Variants in MYO16 observed in about 807,000 individuals in gnomAD.
MYO16 encodes the protein unconventional myosin-XVI.
In MYO16, 94 loss-of-function variants were observed where a neutral mutation model predicts 205.3. That is an observed-to-expected ratio of 0.46 (90% CI 0.39 to 0.54). MYO16 has a LOEUF of 0.54. Among genes scored for constraint, MYO16 ranks in the 20% least tolerant of loss-of-function variants. MYO16 has a pLI of 0.00. For synonymous variants in MYO16, 988 were observed against 954.0 expected, an observed-to-expected ratio of 1.04 and a Z score of -0.66; for missense variants, 2,315 against 2,387.5, an observed-to-expected ratio of 0.97 and a Z score of 0.63.
At chr13:109,008,856 G>A (rs1354537584) in intron 21 of MYO16, 41 bp from the exon 22 acceptor site, 4 of 1,583,174 alleles carry the variant, frequency 2.5e-6, no homozygotes, top group Non-Finnish European at 3.5e-6. Flanking sequence ...ATGCACTACT[G>A]TACTATCTGG....
At chr13:108,577,022 A>G in the MYO16 span, among the ~76,000 whole-genome samples, 3 of 152,114 alleles carry the variant, frequency 2.0e-5, no homozygotes, top group Non-Finnish European at 2.9e-5. Flanking sequence ...CAGCCTCCCA[A>G]GGTGTTGGGA....
At chr13:109,088,868 C>T (rs965487092) in intron 27 of MYO16, among the ~76,000 whole-genome samples, 3 of 152,216 alleles carry the variant, frequency 2.0e-5, no homozygotes, top group East Asian at 3.9e-4. Context: ...GGTGGTCCCG[C>T]AACCGCTCAG....
the MYO16 span, among the ~76,000 whole-genome samples, chr13:108,544,066 C>CAA: frequency 6.1e-3 from 298 of 49,140 alleles, no homozygotes; most frequent in African/African-American, 0.012. Context: ...ACTCCGTCTC[C>CAA]AAAAAAAAAA....
chr13:108,909,922 G>A (rs1594388192), intron 15 of MYO16, 81 bp from the exon 16 acceptor site: 1 of 1,392,970 alleles, frequency 7.2e-7, no homozygotes, highest in Non-Finnish European at 9.9e-7. Context: ...TGTATCTCTT[G>A]TAATTAATTA....
chr13:108,510,412 C>G, the MYO16 span, among the ~76,000 whole-genome samples: 1 of 125,610 alleles, frequency 8.0e-6, no homozygotes, highest in Non-Finnish European at 1.6e-5. Flanking sequence ...CCACCATGCC[C>G]GGTAGATAGT....
intron 1 of MYO16, among the ~76,000 whole-genome samples, chr13:108,599,808 T>G (rs1878698635): frequency 2.0e-5 from 3 of 152,202 alleles, no homozygotes; most frequent in Admixed American, 1.3e-4. Context: ...TTTCCCAGTT[T>G]TGGGTTGAGA....
chr13:108,671,238 T>G (rs1219512738), intron 2 of MYO16, among the ~76,000 whole-genome samples: 1 of 152,166 alleles, frequency 6.6e-6, no homozygotes, highest in Admixed American at 6.5e-5. Context: ...CTCAAAGTGA[T>G]AGGAACAACA....
intron 34 of MYO16, among the ~76,000 whole-genome samples, chr13:109,181,450 C>T (rs1172756962): frequency 6.6e-6 from 1 of 152,160 alleles, no homozygotes; most frequent in African/African-American, 2.4e-5. Flanking sequence ...TTTAGCTTTT[C>T]TACTAATGCA....
the MYO16 span, among the ~76,000 whole-genome samples, chr13:108,525,323 C>T: frequency 9.9e-5 from 15 of 152,172 alleles, no homozygotes; most frequent in African/African-American, 3.6e-4. Context: ...TTGAAGTGCA[C>T]GTCAGGTGTT....
intron 20 of MYO16, among the ~76,000 whole-genome samples, chr13:108,989,403 G>C (rs1283255221): frequency 6.6e-6 from 1 of 152,054 alleles, no homozygotes; most frequent in African/African-American, 2.4e-5. Context: ...GTTAAAAGAA[G>C]TAAACAAAGC....
chr13:108,555,659 A>T, the MYO16 span, among the ~76,000 whole-genome samples: 1 of 152,166 alleles, frequency 6.6e-6, no homozygotes, highest in East Asian at 1.9e-4. Flanking sequence ...CATTAACTGT[A>T]ATTACCATGT....
rs1887275944 is a variant in MYO16 at position 109,052,428 on chromosome 13, GCTT to G, written c.3006_3008del (p.Ser1003del). The G allele has an allele frequency of 6.2e-7, 1 of 1,611,710 alleles. No homozygotes were observed. On this transcript the variant is annotated inframe_deletion, in exon 25 of 35. Transcript: ENST00000457511. Reference sequence around the variant, plus strand: ...TGCCCTGCTCAGTAAGAAAATGACAGCTTCTTCAATTATTGGAGAAAACAAGAA... The same window carrying G: ...TGCCCTGCTCAGTAAGAAAATGACAGCTTCAATTATTGGAGAAAACAAGAA...
At chr13:108,640,366 G>C (rs1029262650) in intron 1 of MYO16, among the ~76,000 whole-genome samples, 4 of 152,154 alleles carry the variant, frequency 2.6e-5, no homozygotes, top group African/African-American at 9.7e-5. Flanking sequence ...AGGGCCAGGG[G>C]AGAGGAGGGA....
At chr13:109,092,676 T>A (rs900304826) in intron 27 of MYO16, among the ~76,000 whole-genome samples, 13 of 152,138 alleles carry the variant, frequency 8.5e-5, no homozygotes, top group African/African-American at 3.1e-4. Flanking sequence ...CCCTGACACA[T>A]GTTTACCTAT....
At chr13:108,882,838 A>C (rs1879685095) in intron 12 of MYO16, among the ~76,000 whole-genome samples, 1 of 152,238 alleles carries the variant, frequency 6.6e-6, no homozygotes, top group South Asian at 2.1e-4. Context: ...CTGTGGACCA[A>C]GTAATGAAGG....
At chr13:108,501,265 A>G in the MYO16 span, among the ~76,000 whole-genome samples, 3 of 152,286 alleles carry the variant, frequency 2.0e-5, no homozygotes, top group African/African-American at 7.2e-5. Context: ...AGCAGAAGAT[A>G]AAAGCGAGCT....
At chr13:108,505,505 G>A in the MYO16 span, among the ~76,000 whole-genome samples, 1 of 151,978 alleles carries the variant, frequency 6.6e-6, no homozygotes, top group South Asian at 2.1e-4. Flanking sequence ...TCCTTTGTTC[G>A]TTTTTTAATC....
rs182372020 is a variant in MYO16, at chr13:108,819,254, T to G, written c.868-1083T>G. ...AGAAAGGTGGATCAATTGTGATATA[T>G]TTGTACAATACTATTCCATGCAGCC... On this transcript the variant is annotated intron_variant, in intron 7 of 34. Transcript: ENST00000457511. Among the ~76,000 whole-genome samples, 720 of 152,318 alleles carry G rather than the reference T, an allele frequency of 4.7e-3. 6 individuals carry two copies. The highest frequency in any genetic ancestry group is 0.011 in the Admixed American group (162 of 15,286).
chr13:108,637,833 C>T (rs1008710775), intron 1 of MYO16, among the ~76,000 whole-genome samples: 4 of 151,984 alleles, frequency 2.6e-5, no homozygotes, highest in Non-Finnish European at 5.9e-5. Context: ...TGAGATCACA[C>T]CATTGCACTC....
Sources: gnomAD v4.1 joint callset for allele counts (sites outside exome capture counted in the v4.1 genomes callset) on GRCh38, gnomAD v4.1.1 for gene constraint, MANE v1.5 for transcripts, NCBI Gene and HGNC (gene_info 2026-07-23, HGNC 2026-07-21) for gene names.